The following PITPNM2 variants were observed in gnomAD, a reference collection of about 807,000 sequenced individuals.
The protein encoded by PITPNM2 is phosphatidylinositol transfer protein membrane associated 2, also known as membrane-associated phosphatidylinositol transfer protein 2.
PITPNM2 carries 35 observed loss-of-function variants against 132.2 expected under a neutral mutation model. The ratio of observed to expected loss-of-function variants is 0.26; its 90% CI spans 0.20 to 0.35. The LOEUF (loss-of-function observed/expected upper bound fraction) is 0.35, where lower values mean the gene tolerates loss of function less well. Among genes scored for constraint, PITPNM2 ranks in the 10% least tolerant of loss-of-function variants. PITPNM2 has a pLI of 1.00. For synonymous variants in PITPNM2, 738 were observed against 799.2 expected (o/e 0.92, Z 1.29); for missense variants, 1,332 against 1,912.0 (o/e 0.70, Z 5.66).
intron 2 of PITPNM2, among the ~76,000 whole-genome samples, chr12:123,102,902 C>T (rs1176702644): frequency 2.0e-5 from 3 of 152,126 alleles, no homozygotes; most frequent in Admixed American, 2.0e-4. Flanking sequence ...CTTCCTTGCC[C>T]GTTGTATTCC....
At chr12:123,115,292 A>G (rs2042914892) in intron 1 of PITPNM2, among the ~76,000 whole-genome samples, 2 of 152,136 alleles carry the variant, frequency 1.3e-5, no homozygotes, top group Non-Finnish European at 2.9e-5. Flanking sequence ...TCAGAAGCCC[A>G]GATTATTGGA....
In PITPNM2 at chr12:123,032,281, G is replaced by A. The variant is rs144702550; in HGVS notation, c.78+2232C>T. On this transcript the variant is annotated intron_variant, in intron 3 of 25. Transcript: ENST00000320201. ...ATCACAAGGTCAGGAGACTGAGACT[G>A]TCCTGGCCAACATGGTGAAACCCTG... Among the ~76,000 whole-genome samples, 571 of 152,292 alleles carry A rather than the reference G, an allele frequency of 3.7e-3. 2 individuals carry two copies. Among genetic ancestry groups the A allele is most frequent in the African/African-American group, 0.013 (554 of 41,556 alleles).
At chr12:123,125,627 G>A (rs1181235706) in intron 1 of PITPNM2, among the ~76,000 whole-genome samples, 1 of 151,568 alleles carries the variant, frequency 6.6e-6, no homozygotes, top group East Asian at 2.0e-4. Flanking sequence ...GGCGGATCAC[G>A]AGGTCAGGAG....
chr12:123,146,547 T>A (rs1484607138), intron 1 of PITPNM2, among the ~76,000 whole-genome samples: 2 of 151,328 alleles, frequency 1.3e-5, no homozygotes, highest in Non-Finnish European at 2.9e-5. Flanking sequence ...TGAGCCAAGA[T>A]CACATCATTG....
At chr12:123,056,497 G>A (rs1048131750) in intron 2 of PITPNM2, among the ~76,000 whole-genome samples, 2 of 152,204 alleles carry the variant, frequency 1.3e-5, no homozygotes, top group Non-Finnish European at 2.9e-5. Context: ...GGCTCACCTT[G>A]GACACTGCCT....
At chr12:123,149,423 C>A (rs1201024882) in intron 1 of PITPNM2, among the ~76,000 whole-genome samples, 2 of 152,168 alleles carry the variant, frequency 1.3e-5, no homozygotes, top group African/African-American at 4.8e-5. Context: ...GAAGTCCATT[C>A]CAACCACAGA....
chr12:123,053,407 C>T (rs2040924031), intron 2 of PITPNM2, among the ~76,000 whole-genome samples: 1 of 149,076 alleles, frequency 6.7e-6, no homozygotes, highest in African/African-American at 2.5e-5. Flanking sequence ...CCCATTTAAA[C>T]TAACAGTTAT....
chr12:122,990,487 C>A lies in PITPNM2; in HGVS notation c.2569+58G>T, dbSNP rs73411014. The A allele has an allele frequency of 7.1e-3, 11,363 of 1,594,728 alleles. 569 individuals are homozygous for A. The African/African-American group carries it at 0.12, about 17-fold the overall frequency. ...CTCCTAGACATGGCCAGCAGCTGTC[C>A]CCTGTGGGCACAATGGCCCTGGCTG... is the stretch of plus-strand genomic sequence containing the variant. On this transcript the variant is annotated intron_variant, in intron 17 of 25. Transcript: ENST00000320201.
intron 1 of PITPNM2, among the ~76,000 whole-genome samples, chr12:123,137,929 A>G (rs2043418255): frequency 6.6e-6 from 1 of 151,832 alleles, no homozygotes; most frequent in Admixed American, 6.6e-5. Context: ...AGAAAGCAAA[A>G]CAAAAGAAAG....
At position 123,018,260 on chromosome 12, in the gene PITPNM2, T is replaced by C. The variant is rs2039520637; in HGVS notation, c.79-4218A>G. ...AATTTTTTAAAATAATTTAATAATT[T>C]AATAATTTTTAATTTCTTTTCTTTT... On this transcript the variant is annotated intron_variant, in intron 3 of 25. Coordinates refer to ENST00000320201, the MANE Select transcript of PITPNM2 (RefSeq NM_020845.3). Among the ~76,000 whole-genome samples, 4 of 146,610 alleles carry C rather than the reference T, an allele frequency of 2.7e-5. No individual in the cohort carries two copies. The East Asian group carries it at 8.0e-4, about 29-fold the overall frequency.
rs2040255872 is a variant in PITPNM2 at position 123,036,002 on chromosome 12, A to C, written c.-95-1317T>G. Among the ~76,000 whole-genome samples, 1 of 152,050 alleles carries C rather than the reference A, an allele frequency of 6.6e-6. No individual in the cohort carries two copies. The highest frequency in any genetic ancestry group is 1.5e-5 in the Non-Finnish European group (1 of 68,012). On this transcript the variant is annotated intron_variant, in intron 2 of 25. Coordinates refer to ENST00000320201, the MANE Select transcript of PITPNM2 (RefSeq NM_020845.3). The surrounding 1 kb of genome is among the most constrained non-coding windows in gnomAD (Gnocchi z 4.1). The stretch of plus-strand genomic sequence containing the variant: ...GCCTCCAGAGTAGCTGGGACTACAG[A>C]TGCACGCCACCCACACCCGGCTAAC...
intron 2 of PITPNM2, among the ~76,000 whole-genome samples, chr12:123,044,678 C>T (rs577603936): frequency 1.3e-5 from 2 of 152,304 alleles, no homozygotes; most frequent in South Asian, 2.1e-4. Flanking sequence ...ACAGGACACT[C>T]CAGGAGGGCA....
chr12:123,120,113 C>T (rs2043007957), intron 1 of PITPNM2, among the ~76,000 whole-genome samples: 1 of 152,172 alleles, frequency 6.6e-6, no homozygotes, highest in African/African-American at 2.4e-5. Flanking sequence ...CAGCAAAGGC[C>T]TGGCTTTGGT....
intron 20 of PITPNM2, among the ~76,000 whole-genome samples, 157 bp downstream of exon 20, chr12:122,988,077 C>T (rs751821642): frequency 1.3e-5 from 2 of 152,242 alleles, no homozygotes; most frequent in Non-Finnish European, 2.9e-5. Flanking sequence ...AGCCTTGCTG[C>T]CTTCCCTGTC....
At position 123,064,291 on chromosome 12, in the gene PITPNM2, G is replaced by A. The variant is rs893582131; in HGVS notation, c.-95-29606C>T. Among the ~76,000 whole-genome samples, 9 of 152,218 alleles carry A rather than the reference G, an allele frequency of 5.9e-5. No homozygotes were observed. Among genetic ancestry groups the A allele is most frequent in the Non-Finnish European group, 1.0e-4 (7 of 68,040 alleles). Reference sequence around the variant, plus strand: ...GGACTTGGTCAAGGTCATCGGGCAAGTCAGTAGCAGGGAAGGGATGAGAAC... The same window carrying A: ...GGACTTGGTCAAGGTCATCGGGCAAATCAGTAGCAGGGAAGGGATGAGAAC... On this transcript the variant is annotated intron_variant, in intron 2 of 25. Transcript: ENST00000320201. The surrounding 1 kb of genome is among the most constrained non-coding windows in gnomAD (Gnocchi z 4.0).
chr12:122,991,827 C>T (rs2038201167), intron 16 of PITPNM2: 12 of 1,303,252 alleles, frequency 9.2e-6, no homozygotes, highest in African/African-American at 1.5e-5. Context: ...TCCAGGAAGC[C>T]GTCCCCGTGG....
chr12:123,133,915 C>T (rs2043320016), intron 1 of PITPNM2, among the ~76,000 whole-genome samples: 1 of 152,196 alleles, frequency 6.6e-6, no homozygotes, highest in Non-Finnish European at 1.5e-5. Context: ...CTCCTGACCT[C>T]AGGTGATACG....
chr12:122,992,682 G>T lies in PITPNM2; in HGVS notation c.2234-13C>A. The T allele has an allele frequency of 1.3e-6, 2 of 1,548,448 alleles. No individual in the cohort carries two copies. The highest frequency in any genetic ancestry group is 1.7e-6 in the Non-Finnish European group (2 of 1,144,750). ...CGCAGCTGGAAAACTGGGGGTGGGG[G>T]TGTTGGCTGCAGAGCTGGGGCTGGC... On this transcript the variant is annotated splice_polypyrimidine_tract_variant and intron_variant, in intron 15 of 25. Transcript: ENST00000320201. The surrounding 1 kb of genome is among the most constrained non-coding windows in gnomAD (Gnocchi z 6.5).
chr12:123,026,216 G>C (rs554162785), intron 3 of PITPNM2, among the ~76,000 whole-genome samples: 1 of 152,312 alleles, frequency 6.6e-6, no homozygotes, highest in South Asian at 2.1e-4. Context: ...TCCATGCCCT[G>C]GCGTAATGGG....
Sources: allele counts gnomAD v4.1 joint callset (sites outside exome capture counted in the v4.1 genomes callset), GRCh38; gene constraint gnomAD v4.1.1; non-coding constraint Gnocchi (gnomAD v3.1); transcripts MANE v1.5; gene names NCBI Gene and HGNC (gene_info 2026-07-23, HGNC 2026-07-21).